BCL2: variants seen among roughly 807,000 people sequenced by gnomAD.
BCL2 encodes BCL2 apoptosis regulator, also known as apoptosis regulator Bcl-2.
In BCL2, 1 loss-of-function variant was observed where a neutral mutation model predicts 14.2. The observed-to-expected ratio is 0.07, with a 90% CI of 0.02 to 0.33. The LOEUF (loss-of-function observed/expected upper bound fraction) is 0.33. BCL2 is among the 10% of genes least tolerant of loss of function. BCL2 has a pLI of 0.99. For missense variants in BCL2, 247 were observed against 305.9 expected (o/e 0.81, Z 1.44); for synonymous variants, 151 against 137.2 (o/e 1.10, Z -0.70).
intron 2 of BCL2, among the ~76,000 whole-genome samples, chr18:63,266,554 T>C (rs750386102): frequency 1.9e-4 from 29 of 150,728 alleles, no homozygotes; most frequent in Non-Finnish European, 3.7e-4. Context: ...ATATAATTTA[T>C]TATATATTAA....
At chr18:63,144,864 C>T (rs978293495) in intron 2 of BCL2, among the ~76,000 whole-genome samples, 1 of 152,188 alleles carries the variant, frequency 6.6e-6, no homozygotes, top group Non-Finnish European at 1.5e-5. Flanking sequence ...ACAGGACCTT[C>T]CCCATCACCC....
At chr18:63,150,626 T>C (rs907154084) in intron 2 of BCL2, among the ~76,000 whole-genome samples, 8 of 152,212 alleles carry the variant, frequency 5.3e-5, no homozygotes, top group African/African-American at 1.4e-4. Context: ...CCCATGAACA[T>C]GCCACAAGTT....
At chr18:63,296,830 T>C (rs1912810336) in intron 2 of BCL2, among the ~76,000 whole-genome samples, 2 of 152,354 alleles carry the variant, frequency 1.3e-5, no homozygotes, top group Middle Eastern at 3.4e-3. Flanking sequence ...TATCCTCCTA[T>C]ATAGTAATAT....
chr18:63,186,412 C>A (rs73963708), intron 2 of BCL2, among the ~76,000 whole-genome samples: 1,720 of 152,304 alleles, frequency 0.011, 31 homozygotes, highest in African/African-American at 0.039. Flanking sequence ...TAGTGGAAGT[C>A]TGCTAACAAT....
chr18:63,272,388 G>A (rs1019326434), intron 2 of BCL2, among the ~76,000 whole-genome samples: 6 of 152,078 alleles, frequency 3.9e-5, no homozygotes, highest in Admixed American at 2.6e-4. Flanking sequence ...TAATATTCTC[G>A]TGTCTTTTAT....
chr18:63,205,779 C>A (rs1909819973), intron 2 of BCL2, among the ~76,000 whole-genome samples: 1 of 152,160 alleles, frequency 6.6e-6, no homozygotes, highest in Non-Finnish European at 1.5e-5. Flanking sequence ...CCCGCTCCCA[C>A]CCCCTGCTTG....
chr18:63,175,076 C>G (rs536472053), intron 2 of BCL2, among the ~76,000 whole-genome samples: 1 of 152,156 alleles, frequency 6.6e-6, no homozygotes, highest in Non-Finnish European at 1.5e-5. Flanking sequence ...TATCGTCATT[C>G]GCAAGCCCCC....
At chr18:63,239,068 G>T (rs1275646083) in intron 2 of BCL2, among the ~76,000 whole-genome samples, 1 of 152,186 alleles carries the variant, frequency 6.6e-6, no homozygotes. Context: ...TAAATTACCT[G>T]ATTGGGGGTC....
At chr18:63,211,733 C>T (rs1339575508) in intron 2 of BCL2, among the ~76,000 whole-genome samples, 1 of 152,214 alleles carries the variant, frequency 6.6e-6, no homozygotes, top group Non-Finnish European at 1.5e-5. Flanking sequence ...TACCATTGGA[C>T]TTGGCATTGT....
At chr18:63,213,598 G>A (rs1297282372) in intron 2 of BCL2, among the ~76,000 whole-genome samples, 1 of 148,874 alleles carries the variant, frequency 6.7e-6, no homozygotes, top group Admixed American at 6.7e-5. Context: ...TGATGTTGAG[G>A]CATTGTCTAA....
At chr18:63,309,357 G>C (rs1287935944) in intron 2 of BCL2, among the ~76,000 whole-genome samples, 2 of 152,174 alleles carry the variant, frequency 1.3e-5, no homozygotes, top group Non-Finnish European at 2.9e-5. Context: ...TTTCCACTTG[G>C]ATATCCTACT....
chr18:63,239,276 A>G (rs1386864735), intron 2 of BCL2, among the ~76,000 whole-genome samples: 2 of 152,246 alleles, frequency 1.3e-5, no homozygotes, highest in Admixed American at 6.5e-5. Flanking sequence ...CCCTGCTGGA[A>G]GCAAAATGGA....
chr18:63,143,542 C>T (rs764783187), intron 2 of BCL2, among the ~76,000 whole-genome samples: 2 of 152,274 alleles, frequency 1.3e-5, no homozygotes, highest in Admixed American at 6.5e-5. Context: ...TCCCGTCAAA[C>T]GCTCAGGACC....
intron 2 of BCL2, among the ~76,000 whole-genome samples, chr18:63,221,949 T>C (rs1482332329): frequency 6.6e-6 from 1 of 152,176 alleles, no homozygotes; most frequent in Non-Finnish European, 1.5e-5. Context: ...ATGTCCACTA[T>C]GTAGAAACGA....
chr18:63,246,676 A>G (rs1052748349), intron 2 of BCL2, among the ~76,000 whole-genome samples: 4 of 152,026 alleles, frequency 2.6e-5, no homozygotes, highest in East Asian at 3.9e-4. Flanking sequence ...CCATATCACC[A>G]TCCTCCCCAG....
At chr18:63,164,570 C>T (rs1045105752) in intron 2 of BCL2, among the ~76,000 whole-genome samples, 1 of 152,194 alleles carries the variant, frequency 6.6e-6, no homozygotes, top group African/African-American at 2.4e-5. Flanking sequence ...TTAATGTAGT[C>T]AAGCTCTTCA....
intron 2 of BCL2, among the ~76,000 whole-genome samples, chr18:63,144,434 G>A (rs1048256220): frequency 1.3e-5 from 2 of 152,050 alleles, no homozygotes; most frequent in Admixed American, 6.6e-5. Context: ...CAGCAAAGCC[G>A]GGGTTCGAAT....
At chr18:63,139,584 C>T (rs183007336) in intron 2 of BCL2, among the ~76,000 whole-genome samples, 1 of 152,302 alleles carries the variant, frequency 6.6e-6, no homozygotes, top group African/African-American at 2.4e-5. Flanking sequence ...CCCATTTGCC[C>T]AGCAGTGGCC....
At chr18:63,162,801 CTCCTTCCTTCTTTCCTTCCCTCCT>C (rs1447604451) in intron 2 of BCL2, among the ~76,000 whole-genome samples, 1 of 151,964 alleles carries the variant, frequency 6.6e-6, no homozygotes, top group Non-Finnish European at 1.5e-5. Context: ...AAACTCTGCC[CTCCTTCCTTCTTTCCTTCCCTCCT>C]TCCTTCCTTC....
Sources: gnomAD v4.1 joint callset for allele counts (sites outside exome capture counted in the v4.1 genomes callset) on GRCh38, gnomAD v4.1.1 for gene constraint, MANE v1.5 for transcripts, NCBI Gene and HGNC (gene_info 2026-07-23, HGNC 2026-07-21) for gene names.